CALN1: variants seen among roughly 807,000 people sequenced by gnomAD.
The protein encoded by CALN1 is calneuron 1.
A neutral mutation model predicts 30.6 loss-of-function variants in CALN1; 17 were observed. That is an observed-to-expected ratio of 0.56 (90% CI 0.38 to 0.83). CALN1 has a LOEUF of 0.83. Among genes scored for constraint, CALN1 ranks in the 40% least tolerant of loss-of-function variants. The probability of loss-of-function intolerance (pLI) is 0.00; values close to 1 mark genes in which losing one functional copy is unlikely to be tolerated. For missense variants in CALN1, 291 were observed against 354.9 expected, an observed-to-expected ratio of 0.82 and a Z score of 1.45; for synonymous variants, 156 against 131.4, an observed-to-expected ratio of 1.19 and a Z score of -1.28.
At chr7:72,475,067 T>A in the CALN1 span, among the ~76,000 whole-genome samples, 1 of 152,206 alleles carries the variant, frequency 6.6e-6, no homozygotes, top group Non-Finnish European at 1.5e-5. Flanking sequence ...ACTGGGTTCT[T>A]AACATGCACC....
At chr7:72,503,645 T>C in the CALN1 span, among the ~76,000 whole-genome samples, 29,886 of 152,000 alleles carry the variant, frequency 0.2, 3,147 homozygotes, top group East Asian at 0.38. Context: ...AGCCTAACTT[T>C]TCCTGAAAAC....
intron 5 of CALN1, among the ~76,000 whole-genome samples, chr7:71,850,780 A>C (rs566256637): frequency 6.6e-6 from 1 of 152,370 alleles, no homozygotes; most frequent in South Asian, 2.1e-4. Context: ...GAATAAAATA[A>C]AGAACAGAAT....
chr7:72,163,404 A>AAAC (rs1440227952), intron 3 of CALN1, among the ~76,000 whole-genome samples: 1 of 151,374 alleles, frequency 6.6e-6, no homozygotes, highest in African/African-American at 2.4e-5. Flanking sequence ...AAAAAAAAAA[A>AAAC]AAAAAACAGA....
intron 4 of CALN1, among the ~76,000 whole-genome samples, chr7:72,033,683 A>G (rs1166030680): frequency 1.3e-5 from 2 of 152,190 alleles, no homozygotes; most frequent in African/African-American, 4.8e-5. Flanking sequence ...CATGCTGGAT[A>G]GAGGATCCCC....
At chr7:72,016,460 A>T (rs558503637) in intron 5 of CALN1, among the ~76,000 whole-genome samples, 9 of 151,826 alleles carry the variant, frequency 5.9e-5, no homozygotes, top group Non-Finnish European at 1.2e-4. Context: ...TTTTTGAGAC[A>T]GAATCTCCCT....
At chr7:72,148,895 C>T (rs1425325551) in intron 3 of CALN1, among the ~76,000 whole-genome samples, 4 of 133,074 alleles carry the variant, frequency 3.0e-5, no homozygotes, top group African/African-American at 1.1e-4. Context: ...CAGAGTAAGA[C>T]ACCACCAAAA....
intron 3 of CALN1, among the ~76,000 whole-genome samples, chr7:72,171,400 G>A (rs970009141): frequency 6.6e-6 from 1 of 152,062 alleles, no homozygotes; most frequent in Non-Finnish European, 1.5e-5. Flanking sequence ...TCAGAGAGGA[G>A]GACTGCTTGA....
At position 71,787,357 on chromosome 7, in the gene CALN1, C is replaced by G; in HGVS notation, c.*418G>C. 1 of 170,874 alleles carries G rather than the reference C, an allele frequency of 5.9e-6. No individual in the cohort carries two copies. Among genetic ancestry groups the G allele is most frequent in the Admixed American group, 5.6e-5 (1 of 17,936 alleles). 10.6% of individuals were successfully genotyped at this position (170,874 alleles called of 1,614,324 possible). On this transcript the variant is annotated 3_prime_UTR_variant, in exon 7 of 7. Coordinates refer to ENST00000395275, the MANE Select transcript of CALN1 (RefSeq NM_031468.4). The stretch of plus-strand genomic sequence containing the variant: ...CTGAGGGTTGACCTCAGCAGAGAGT[C>G]TCCTGTTGACCCTTGGGTTGAAAGA...
intron 5 of CALN1, among the ~76,000 whole-genome samples, chr7:72,002,666 C>A: frequency 6.6e-6 from 1 of 152,210 alleles, no homozygotes; most frequent in Non-Finnish European, 1.5e-5. Context: ...AATCTACAAA[C>A]GAATCCCTCC....
intron 1 of CALN1, among the ~76,000 whole-genome samples, chr7:72,425,392 G>A (rs1471183751): frequency 6.6e-6 from 1 of 152,188 alleles, no homozygotes; most frequent in Non-Finnish European, 1.5e-5. Context: ...GGGATTACAG[G>A]CATGAGCCAC....
chr7:72,191,522 T>C (rs1790600474), intron 3 of CALN1, among the ~76,000 whole-genome samples: 1 of 120,986 alleles, frequency 8.3e-6, no homozygotes, highest in African/African-American at 3.3e-5. Flanking sequence ...GAATCGCGGG[T>C]ACCCAGGAGG....
intron 5 of CALN1, among the ~76,000 whole-genome samples, chr7:71,890,880 G>A (rs1051586351): frequency 6.6e-6 from 1 of 151,594 alleles, no homozygotes; most frequent in Non-Finnish European, 1.5e-5. Context: ...CTGAGTAGCT[G>A]AGACTACAGG....
intron 2 of CALN1, among the ~76,000 whole-genome samples, chr7:72,383,699 T>C (rs1562936695): frequency 6.6e-6 from 1 of 152,166 alleles, no homozygotes. Flanking sequence ...GTCTTTACAA[T>C]GACGAAGAGA....
At chr7:72,171,587 G>T (rs78944034) in intron 3 of CALN1, among the ~76,000 whole-genome samples, 1 of 152,158 alleles carries the variant, frequency 6.6e-6, no homozygotes, top group Admixed American at 6.5e-5. Context: ...ATTTAGCCTC[G>T]TATGTTCTCA....
intron 2 of CALN1, among the ~76,000 whole-genome samples, chr7:72,376,313 C>A (rs1353279518): frequency 6.6e-6 from 1 of 152,112 alleles, no homozygotes; most frequent in African/African-American, 2.4e-5. Context: ...TTGAGGAATG[C>A]CAAGTTGTTT....
chr7:72,308,311 C>T (rs1326454666), intron 2 of CALN1, among the ~76,000 whole-genome samples: 2 of 138,958 alleles, frequency 1.4e-5, no homozygotes, highest in Non-Finnish European at 3.0e-5. Flanking sequence ...TTGCAGTGAG[C>T]TGAGATTGCA....
chr7:72,057,383 C>CTT (rs60838093), intron 4 of CALN1, among the ~76,000 whole-genome samples: 23,439 of 101,724 alleles, frequency 0.23, 3,290 homozygotes, highest in East Asian at 0.53. Context: ...TTTAAATGTT[C>CTT]TTTTTTTTTT....
At chr7:72,058,978 A>C (rs1803466356) in intron 4 of CALN1, among the ~76,000 whole-genome samples, 1 of 152,218 alleles carries the variant, frequency 6.6e-6, no homozygotes, top group Admixed American at 6.5e-5. Flanking sequence ...CAAGGTTTTA[A>C]ACTTGGACTT....
chr7:71,979,448 A>G (rs984573962), intron 5 of CALN1, among the ~76,000 whole-genome samples: 3 of 152,160 alleles, frequency 2.0e-5, no homozygotes, highest in Admixed American at 6.6e-5. Flanking sequence ...AGGAGCGTGC[A>G]ACCTAGATCC....
Sources: gnomAD v4.1 joint callset for allele counts (sites outside exome capture counted in the v4.1 genomes callset) on GRCh38, gnomAD v4.1.1 for gene constraint, MANE v1.5 for transcripts, NCBI Gene and HGNC (gene_info 2026-07-23, HGNC 2026-07-21) for gene names.